ARVCF: variants seen among roughly 807,000 people sequenced by gnomAD.
ARVCF encodes ARVCF delta catenin family member.
ARVCF carries 66 observed loss-of-function variants against 90.9 expected under a neutral mutation model. The observed-to-expected ratio is 0.73, with a 90% CI of 0.60 to 0.89. The LOEUF is 0.89. Ranked by LOEUF, ARVCF falls within the 40% of genes least tolerant of loss-of-function variation. ARVCF has a pLI of 0.00. For missense variants in ARVCF, 1,469 were observed against 1,382.3 expected, an observed-to-expected ratio of 1.06 and a Z score of -1.00; for synonymous variants, 653 against 603.4, an observed-to-expected ratio of 1.08 and a Z score of -1.21.
At chr22:19,990,536 G>T in intron 3 of ARVCF, 49 bp downstream of exon 3, 1 of 1,552,494 alleles carries the variant, frequency 6.4e-7, no homozygotes, top group Non-Finnish European at 8.8e-7. Flanking sequence ...CCCACTGATT[G>T]TTTTCCCACT....
intron 2 of ARVCF, among the ~76,000 whole-genome samples, chr22:19,999,628 T>C (rs529842093): frequency 1.3e-5 from 2 of 152,070 alleles, no homozygotes; most frequent in African/African-American, 2.4e-5. Context: ...ACGTAGGCCA[T>C]ATGGTTCAGA....
At position 19,979,736 on chromosome 22, in the gene ARVCF, C is replaced by CACT. The variant is rs1569160046; in HGVS notation, c.1396+4_1396+6dup. The CACT allele has an allele frequency of 6.3e-7, 1 of 1,589,538 alleles. No homozygotes were observed. The highest frequency in any genetic ancestry group is 1.3e-5 in the African/African-American group (1 of 74,432). On this transcript the variant is annotated splice_region_variant and intron_variant, in intron 6 of 19. Coordinates refer to ENST00000263207, the MANE Select transcript of ARVCF (RefSeq NM_001670.3). ...AGGGGATGTGAGCATGGCCAGGTCC[C>CACT]ACTCACCAGTGACAAGCTCACGGAC...
chr22:19,972,930 A>AGC lies in ARVCF; in HGVS notation c.2543_2544dup (p.Phe849AlafsTer16). The AGC allele has an allele frequency of 6.2e-7, 1 of 1,613,524 alleles. No individual in the cohort carries two copies. Among genetic ancestry groups the AGC allele is most frequent in the Non-Finnish European group, 8.5e-7 (1 of 1,179,754 alleles). On this transcript the variant is annotated frameshift_variant, in exon 15 of 20. Transcript: ENST00000263207. LOFTEE classifies it high-confidence loss of function. ...GAAGGCCAGGGAAGCCGCACCTGGA[A>AGC]GCGCGCCTTGGTCCAACCATCTTTC...
intron 2 of ARVCF, among the ~76,000 whole-genome samples, chr22:20,001,162 G>A (rs1944431539): frequency 1.3e-5 from 2 of 152,102 alleles, no homozygotes; most frequent in Non-Finnish European, 2.9e-5. Flanking sequence ...CTCCATTCCT[G>A]TCTTGGACAC....
chr22:19,980,929 G>A, intron 5 of ARVCF: 1 of 435,326 alleles, frequency 2.3e-6, no homozygotes, highest in East Asian at 3.6e-5. Flanking sequence ...ACAAGGGCCA[G>A]GGCTCTGGGT....
chr22:19,972,164 C>G (rs1942846449), intron 17 of ARVCF, among the ~76,000 whole-genome samples, 193 bp from the exon 18 acceptor site: 1 of 152,160 alleles, frequency 6.6e-6, no homozygotes, highest in South Asian at 2.1e-4. Context: ...AGACTCCCCT[C>G]CACTTGTGGG....
chr22:19,981,685 A>G lies in ARVCF; in HGVS notation c.422T>C (p.Val141Ala), dbSNP rs200408513. 5 of 1,602,044 alleles carry G rather than the reference A, an allele frequency of 3.1e-6. No homozygotes were observed. The Admixed American group carries it at 5.1e-5, about 16-fold the overall frequency. The stretch of plus-strand genomic sequence containing the variant: ...CAGCAGGGGGAGTCCATCTGGGCCC[A>G]CGGGCACCTGGCGTACTGTCCGAGT... ...VTTRTVRQVP[V>A]GPDGLPLLDG... The change falls in exon 5 of 20, where the codon GTG (valine) becomes GCG (alanine). Residue 141 changes from valine (V) to alanine (A), a missense_variant. Transcript: ENST00000263207.
At chr22:19,979,335 C>T in intron 6 of ARVCF, 1 of 544,604 alleles carries the variant, frequency 1.8e-6, no homozygotes, top group Non-Finnish European at 3.2e-6. Flanking sequence ...TGCCATGTGG[C>T]AGGTGGCACT....
intron 2 of ARVCF, among the ~76,000 whole-genome samples, chr22:19,991,230 G>A (rs547555256): frequency 1.4e-3 from 206 of 152,382 alleles, no homozygotes; most frequent in Non-Finnish European, 2.4e-3. Flanking sequence ...CCAGGGCCAA[G>A]AAAGGGTGGG....
At position 19,976,732 on chromosome 22, in the gene ARVCF, C is replaced by A; in HGVS notation, c.1871-9G>T. The A allele has an allele frequency of 6.4e-7, 1 of 1,560,222 alleles. No individual in the cohort carries two copies. Among genetic ancestry groups the A allele is most frequent in the Non-Finnish European group, 8.7e-7 (1 of 1,151,780 alleles). On this transcript the variant is annotated splice_polypyrimidine_tract_variant and intron_variant, in intron 9 of 19. Transcript: ENST00000263207. ...TTGGTGGAACCACTCCTCTGGGAGGCCGGAGGAAGCAGAGGAGAGAGGAGA... is the reference window on the plus strand; with the variant it reads ...TTGGTGGAACCACTCCTCTGGGAGGACGGAGGAAGCAGAGGAGAGAGGAGA...
chr22:20,007,358 C>A (rs934008029), intron 2 of ARVCF, among the ~76,000 whole-genome samples: 1 of 152,202 alleles, frequency 6.6e-6, no homozygotes, highest in African/African-American at 2.4e-5. Context: ...GCCAAGAATG[C>A]GCCACTGCAC....
chr22:19,973,987 C>G (rs190313155), intron 12 of ARVCF, 125 bp downstream of exon 12: 1 of 1,506,398 alleles, frequency 6.6e-7, no homozygotes, highest in Non-Finnish European at 8.9e-7. Context: ...CCATACACCT[C>G]TTGGATCCTG....
chr22:19,966,176 T>G (rs886869117), downstream of ARVCF, among the ~76,000 whole-genome samples: 1 of 152,126 alleles, frequency 6.6e-6, no homozygotes, highest in African/African-American at 2.4e-5. Context: ...TGGGAATGGG[T>G]GTCCTTGTTA....
At chr22:19,966,136 A>G (rs146143750), downstream of ARVCF, among the ~76,000 whole-genome samples, 1 of 152,342 alleles carries the variant, frequency 6.6e-6, no homozygotes, top group African/African-American at 2.4e-5. Context: ...TCTCAAAAGA[A>G]GCAAAGTCAT....
rs1211298580 is a variant in ARVCF at position 19,977,527 on chromosome 22, C to T, written c.1758G>A (p.Val586=). Residue 586 remains valine, a synonymous_variant, in exon 9 of 20, where the codon GTG becomes GTA. Coordinates refer to ENST00000263207, the MANE Select transcript of ARVCF (RefSeq NM_001670.3). ...RNLSYHVHKE[V]PGADRYQEAE... is the part of the protein sequence containing the mutation. ...CCTCCTGGTACCTGTCGGCCCCGGG[C>T]ACCTCCTTGTGCACGTGGTAGGACA... is the stretch of plus-strand genomic sequence containing the variant. The T allele has an allele frequency of 3.1e-6, 5 of 1,597,246 alleles. No homozygotes were observed. The highest frequency in any genetic ancestry group is 1.3e-5 in the African/African-American group (1 of 74,382).
At chr22:19,993,789 A>G (rs1390599741) in intron 2 of ARVCF, among the ~76,000 whole-genome samples, 1 of 152,234 alleles carries the variant, frequency 6.6e-6, no homozygotes, top group African/African-American at 2.4e-5. Context: ...ACCAGAAAAC[A>G]TCAGGAACTG....
At chr22:19,971,446 A>G (rs1015759363) in intron 18 of ARVCF, 111 bp from the exon 19 acceptor site, 8 of 1,307,580 alleles carry the variant, frequency 6.1e-6, no homozygotes, top group Non-Finnish European at 7.2e-6. Flanking sequence ...TTGGCCTGCC[A>G]GGACAGCACA....
chr22:19,971,575 G>T (rs1942792219), intron 18 of ARVCF, among the ~76,000 whole-genome samples: 1 of 152,196 alleles, frequency 6.6e-6, no homozygotes, highest in African/African-American at 2.4e-5. Context: ...CAGGCAGCAG[G>T]TCCTGCCATC....
chr22:19,974,304 C>T (rs1943025849), intron 11 of ARVCF, 65 bp from the exon 12 acceptor site: 7 of 1,493,408 alleles, frequency 4.7e-6, no homozygotes, highest in South Asian at 1.3e-5. Flanking sequence ...ATACCCCTCC[C>T]GCTTCCCGCT....
Sources: allele counts gnomAD v4.1 joint callset (sites outside exome capture counted in the v4.1 genomes callset), GRCh38; gene constraint gnomAD v4.1.1; transcripts MANE v1.5; gene names NCBI Gene and HGNC (gene_info 2026-07-23, HGNC 2026-07-21).